The following ZRANB1 variants were observed in gnomAD, a reference collection of about 807,000 sequenced individuals.
ZRANB1 encodes ubiquitin thioesterase ZRANB1.
ZRANB1 carries 16 observed loss-of-function variants against 80.5 expected under a neutral mutation model. The observed-to-expected ratio is 0.20, with a 90% CI of 0.13 to 0.30. The LOEUF (loss-of-function observed/expected upper bound fraction) is 0.30, where lower values mean the gene tolerates loss of function less well. ZRANB1 is among the 10% of genes least tolerant of loss of function. The probability of loss-of-function intolerance (pLI) is 1.00; values close to 1 mark genes in which losing one functional copy is unlikely to be tolerated. For missense variants in ZRANB1, 576 were observed against 862.6 expected (o/e 0.67, Z 4.16); for synonymous variants, 291 against 293.1 (o/e 0.99, Z 0.07).
intron 3 of ZRANB1, among the ~76,000 whole-genome samples, chr10:124,973,124 C>G (rs183554669): frequency 6.6e-6 from 1 of 152,086 alleles, no homozygotes; most frequent in African/African-American, 2.4e-5. Flanking sequence ...TAAGCTTACC[C>G]CAGAATGATT....
At chr10:124,958,145 C>A (rs1951701949) in intron 1 of ZRANB1, among the ~76,000 whole-genome samples, 1 of 152,234 alleles carries the variant, frequency 6.6e-6, no homozygotes, top group Non-Finnish European at 1.5e-5. Context: ...CAAATTTAGA[C>A]ATTTGTACTG....
chr10:124,918,521 A>G, the ZRANB1 span, among the ~76,000 whole-genome samples: 2 of 152,236 alleles, frequency 1.3e-5, no homozygotes, highest in African/African-American at 4.8e-5. Context: ...GACCTATTAT[A>G]TAATGAGTTA....
intron 1 of ZRANB1, among the ~76,000 whole-genome samples, chr10:124,951,932 G>A (rs1160200029): frequency 2.0e-5 from 3 of 151,696 alleles, no homozygotes; most frequent in South Asian, 2.1e-4. Context: ...ACTCCAGCCC[G>A]GGCAACAAAG....
intron 1 of ZRANB1, among the ~76,000 whole-genome samples, chr10:124,956,998 A>AT (rs1168873976): frequency 1.3e-5 from 2 of 152,158 alleles, no homozygotes; most frequent in Non-Finnish European, 2.9e-5. Context: ...GAACAAGGAC[A>AT]TTTTTTCCTA....
chr10:124,948,356 A>G (rs1016306038), intron 1 of ZRANB1, among the ~76,000 whole-genome samples: 4 of 152,176 alleles, frequency 2.6e-5, no homozygotes, highest in Non-Finnish European at 5.9e-5. Context: ...ACAGTAGGCT[A>G]TCAGTATTTT....
intron 1 of ZRANB1, among the ~76,000 whole-genome samples, chr10:124,957,220 T>C (rs1435973244): frequency 2.6e-5 from 4 of 152,112 alleles, no homozygotes; most frequent in Non-Finnish European, 5.9e-5. Flanking sequence ...ATTCCACTTT[T>C]GCAGAATGAT....
chr10:124,963,550 G>GTTTTTTT (rs1564962032), intron 1 of ZRANB1, among the ~76,000 whole-genome samples: 2 of 75,158 alleles, frequency 2.7e-5, no homozygotes, highest in East Asian at 4.0e-4. Context: ...TTTTTTTTTT[G>GTTTTTTT]TTTGTTTTTT....
At chr10:124,935,524 C>T in the ZRANB1 span, among the ~76,000 whole-genome samples, 1 of 152,246 alleles carries the variant, frequency 6.6e-6, no homozygotes, top group Non-Finnish European at 1.5e-5. Context: ...GGTTATGATA[C>T]TGTCTTCCAT....
intron 5 of ZRANB1, among the ~76,000 whole-genome samples, chr10:124,976,258 C>T (rs1040399667): frequency 6.6e-6 from 1 of 152,150 alleles, no homozygotes; most frequent in African/African-American, 2.4e-5. Flanking sequence ...CAGTGCTCTG[C>T]CGGTCTGGCC....
intron 5 of ZRANB1, among the ~76,000 whole-genome samples, 178 bp downstream of exon 5, chr10:124,974,576 C>G (rs575409933): frequency 6.6e-6 from 1 of 152,074 alleles, no homozygotes; most frequent in Admixed American, 6.5e-5. Context: ...TGTTTTTCCC[C>G]CAAGAAATGA....
rs1483864518 is a variant in ZRANB1 at position 124,942,123 on chromosome 10, G to GTGAT, written c.-370_-367dup. 2.9e-6 allele frequency: 3 copies of GTGAT among 1,050,078 alleles called. No individual in the cohort carries two copies. The highest frequency in any genetic ancestry group is 1.1e-6 in the Non-Finnish European group (1 of 870,008). 65.0% of individuals were successfully genotyped at this position (1,050,078 alleles called of 1,614,324 possible). ...CTATTGGTTACTTTTCTAAATTGAT[G>GTGAT]TGATGGCCTCCCTGAAATTAAACAT... On this transcript the variant is annotated 5_prime_UTR_variant, in exon 1 of 9. It adds an upstream start codon to the 5' untranslated region. Coordinates refer to ENST00000359653, the MANE Select transcript of ZRANB1 (RefSeq NM_017580.3).
chr10:124,975,859 A>G (rs531737853), intron 5 of ZRANB1, among the ~76,000 whole-genome samples: 1 of 152,234 alleles, frequency 6.6e-6, no homozygotes, highest in East Asian at 1.9e-4. Flanking sequence ...AAAATTAGCC[A>G]GGTGTGGTGG....
intron 5 of ZRANB1, among the ~76,000 whole-genome samples, chr10:124,978,178 G>C (rs1311412465): frequency 2.0e-5 from 3 of 152,144 alleles, no homozygotes; most frequent in African/African-American, 7.2e-5. Flanking sequence ...GTGTTGAGTT[G>C]CATTAGGTTT....
chr10:124,942,814 C>T lies in ZRANB1; in HGVS notation c.321C>T (p.Cys107=), dbSNP rs1951548391. The part of the protein sequence containing the change: ...NWPRAIRCTQ[C]LSQRRTRSPT... Reference sequence around the variant, plus strand: ...CAAGAGCAATCAGATGTACCCAGTGCTTATCCCAACGTAGGACCAGGAGTC... The same window carrying T: ...CAAGAGCAATCAGATGTACCCAGTGTTTATCCCAACGTAGGACCAGGAGTC... The change falls in exon 1 of 9, where the codon TGC becomes TGT. Residue 107 remains cysteine, a synonymous_variant. Coordinates refer to ENST00000359653, the MANE Select transcript of ZRANB1 (RefSeq NM_017580.3). The T allele has an allele frequency of 5.0e-6, 8 of 1,614,228 alleles. No homozygotes were observed. The highest frequency in any genetic ancestry group is 6.8e-6 in the Non-Finnish European group (8 of 1,180,042).
chr10:124,971,996 C>T lies in ZRANB1; in HGVS notation c.1034C>T (p.Ala345Val). ...CAACAAGCAGCAAAGTGTATTCCAG[C>T]AATGGTGTGTCCTGAACTGACAGAA... ...VSQQAAKCIP[A>V]MVCPELTEQI... The change falls in exon 3 of 9, where the codon GCA (alanine) becomes GTA (valine). Residue 345 changes from alanine to valine, a missense_variant. Physicochemically the swap from Ala to Val is moderately conservative, Grantham distance 64. This residue lies in a region of ZRANB1 where 411 missense variants were observed against 583.1 expected (regional missense o/e 0.70). Coordinates refer to ENST00000359653, the MANE Select transcript of ZRANB1 (RefSeq NM_017580.3). 1 of 1,607,066 alleles carries T rather than the reference C, an allele frequency of 6.2e-7. No homozygotes were observed. The highest frequency in any genetic ancestry group is 8.5e-7 in the Non-Finnish European group (1 of 1,176,794).
chr10:124,920,721 A>G, the ZRANB1 span, among the ~76,000 whole-genome samples: 2 of 152,004 alleles, frequency 1.3e-5, no homozygotes, highest in East Asian at 1.9e-4. Flanking sequence ...CAAGGGATCT[A>G]TTCAGTCTTC....
chr10:124,985,043 T>A lies in ZRANB1; in HGVS notation c.*51T>A. The A allele has an allele frequency of 7.1e-7, 1 of 1,411,770 alleles. No homozygotes were observed. The highest frequency in any genetic ancestry group is 9.8e-7 in the Non-Finnish European group (1 of 1,021,408). The allele number at this position is 1,411,770 out of a possible 1,614,324, so 87.5% of individuals were successfully genotyped here. A position where few individuals can be genotyped will look rare whatever the true frequency, so the allele number is the denominator to read the frequency against. On this transcript the variant is annotated 3_prime_UTR_variant, in exon 9 of 9. Transcript: ENST00000359653. ...CAAGGCATCAGATCTGTAATGACCCTAAAGTTAGTGTGGTGCTCCAAGCAG... is the reference window on the plus strand; with the variant it reads ...CAAGGCATCAGATCTGTAATGACCCAAAAGTTAGTGTGGTGCTCCAAGCAG...
intron 1 of ZRANB1, among the ~76,000 whole-genome samples, chr10:124,950,367 G>A (rs939872504): frequency 4.6e-5 from 7 of 152,082 alleles, no homozygotes; most frequent in African/African-American, 4.8e-5. Flanking sequence ...CAAGCAGCCC[G>A]CCCGCCTCGG....
chr10:124,928,345 T>G, the ZRANB1 span, among the ~76,000 whole-genome samples: 64 of 152,268 alleles, frequency 4.2e-4, no homozygotes, highest in African/African-American at 1.5e-3. Context: ...CCCCTGGGGC[T>G]GGGAATTAGA....
Sources: gnomAD v4.1 joint callset for allele counts (sites outside exome capture counted in the v4.1 genomes callset) on GRCh38, gnomAD v4.1.1 for gene constraint, gnomAD v4.1.1 regional missense constraint, MANE v1.5 for transcripts, NCBI Gene and HGNC (gene_info 2026-07-23, HGNC 2026-07-21) for gene names.